Variants in LRFN5 observed in about 807,000 individuals in gnomAD.
LRFN5 encodes leucine-rich repeat and fibronectin type-III domain-containing protein 5.
In LRFN5, 24 loss-of-function variants were observed where a neutral mutation model predicts 45.6. That is an observed-to-expected ratio of 0.53 (90% CI 0.38 to 0.74). The LOEUF (loss-of-function observed/expected upper bound fraction) is 0.74, where lower values mean the gene tolerates loss of function less well. Ranked by LOEUF, LRFN5 falls within the 30% of genes least tolerant of loss-of-function variation. The pLI, the probability that LRFN5 is intolerant of heterozygous loss-of-function variation, is 0.00. For synonymous variants in LRFN5, 340 were observed against 313.8 expected (o/e 1.08, Z -0.88); for missense variants, 776 against 861.5 (o/e 0.90, Z 1.24).
At chr14:41,756,401 C>A (rs1249987284) in intron 1 of LRFN5, among the ~76,000 whole-genome samples, 2 of 152,220 alleles carry the variant, frequency 1.3e-5, no homozygotes, top group Admixed American at 6.5e-5. Context: ...TTTAGGTACA[C>A]CATTCAGACG....
intron 1 of LRFN5, among the ~76,000 whole-genome samples, chr14:41,664,444 G>A (rs1378081385): frequency 6.6e-6 from 1 of 151,700 alleles, no homozygotes; most frequent in East Asian, 1.9e-4. Flanking sequence ...ACCAGTTTGA[G>A]AATTAACTAA....
chr14:41,686,958 A>G (rs1040550275), intron 1 of LRFN5, among the ~76,000 whole-genome samples: 2 of 152,100 alleles, frequency 1.3e-5, no homozygotes, highest in African/African-American at 4.8e-5. Flanking sequence ...TTGTATCAGG[A>G]TGATACTGGT....
At chr14:41,611,925 T>G (rs1348163669) in intron 1 of LRFN5, among the ~76,000 whole-genome samples, 1 of 152,198 alleles carries the variant, frequency 6.6e-6, no homozygotes, top group African/African-American at 2.4e-5. Context: ...TTTTGTCTCC[T>G]CTGTCATTAA....
At position 41,887,725 on chromosome 14, in the gene LRFN5, C is replaced by G; in HGVS notation, c.1100C>G (p.Thr367Arg). Residue 367 changes from threonine to arginine, a missense_variant, in exon 3 of 6, where the codon ACA becomes AGA. Around this residue, in one of 2 missense-constraint regions of LRFN5, gnomAD observed 465 missense variants for 456.4 expected, o/e 1.02. Transcript: ENST00000298119. This position sits in a 1 kb window ranked among gnomAD's most constrained non-coding sequence, Gnocchi z 4.8. Reference protein sequence around the residue: ...CIASNPAGEATQIVDLHIIKL... With the variant: ...CIASNPAGEARQIVDLHIIKL... Reference sequence around the variant, plus strand: ...GCTTCCAATCCTGCTGGGGAAGCAACACAAATAGTGGATCTTCATATAATT... The same window carrying G: ...GCTTCCAATCCTGCTGGGGAAGCAAGACAAATAGTGGATCTTCATATAATT... 6.2e-7 allele frequency: 1 copy of G among 1,614,046 alleles called. No homozygotes were observed. The highest frequency in any genetic ancestry group is 8.5e-7 in the Non-Finnish European group (1 of 1,180,028).
At chr14:41,618,278 A>G (rs1887990796) in intron 1 of LRFN5, among the ~76,000 whole-genome samples, 1 of 152,178 alleles carries the variant, frequency 6.6e-6, no homozygotes, top group Non-Finnish European at 1.5e-5. Context: ...AGTGCTTCTC[A>G]TCAAGAATAG....
At chr14:41,720,942 T>C (rs780653307) in intron 1 of LRFN5, among the ~76,000 whole-genome samples, 5 of 152,040 alleles carry the variant, frequency 3.3e-5, no homozygotes, top group African/African-American at 4.8e-5. Flanking sequence ...CTTTGTTAGT[T>C]TTCAGCATCA....
intron 1 of LRFN5, among the ~76,000 whole-genome samples, chr14:41,754,171 T>G (rs1354262655): frequency 2.0e-5 from 3 of 152,170 alleles, no homozygotes; most frequent in Non-Finnish European, 4.4e-5. Context: ...TTTGCCAGTA[T>G]TTTATTGAGG....
chr14:41,722,531 T>C (rs529024527), intron 1 of LRFN5, among the ~76,000 whole-genome samples: 1 of 151,990 alleles, frequency 6.6e-6, no homozygotes. Context: ...TAATTTTTTT[T>C]CTTTTTCTTT....
At position 41,716,808 on chromosome 14, in the gene LRFN5, G is replaced by A. The variant is rs1335348275; in HGVS notation, c.-196-50046G>A. ...TTTTCAGCAGCACCCCACTCTACTG[G>A]TGCTAATACACTGTTAAATTAGCAA... On this transcript the variant is annotated intron_variant, in intron 1 of 5. Transcript: ENST00000298119. Among the ~76,000 whole-genome samples the A allele has an allele frequency of 2.0e-5, 3 of 152,084 alleles. No individual in the cohort carries two copies. In the East Asian group the frequency reaches 5.8e-4, roughly 29 times the overall value.
chr14:41,881,745 T>A (rs1487488138), intron 2 of LRFN5, among the ~76,000 whole-genome samples: 1 of 152,198 alleles, frequency 6.6e-6, no homozygotes, highest in East Asian at 1.9e-4. Flanking sequence ...TTGTCTTCAA[T>A]TACATTTATA....
At chr14:41,879,394 A>T (rs1890295999) in intron 2 of LRFN5, among the ~76,000 whole-genome samples, 1 of 151,914 alleles carries the variant, frequency 6.6e-6, no homozygotes, top group Non-Finnish European at 1.5e-5. Context: ...ATTACTAAAA[A>T]GTGGCAAGAA....
chr14:41,863,738 G>A (rs758908497), intron 2 of LRFN5, among the ~76,000 whole-genome samples: 1 of 152,110 alleles, frequency 6.6e-6, no homozygotes, highest in Non-Finnish European at 1.5e-5. Flanking sequence ...GAACGTGCAG[G>A]TTTGTTACAT....
chr14:41,719,278 T>C (rs891083390), intron 1 of LRFN5, among the ~76,000 whole-genome samples: 2 of 152,156 alleles, frequency 1.3e-5, no homozygotes, highest in African/African-American at 4.8e-5. Context: ...CCATTTAGGC[T>C]TTCCATTTTA....
rs527665190 is a variant in LRFN5 at position 41,897,089 on chromosome 14, A to AAAATAAAT, written c.2099-1790_2099-1783dup. ...CCTGGTGACAGAGTGAGACTCTGTC[A>AAAATAAAT]AAATAAATAAATAAATAAATAAATA... On this transcript the variant is annotated intron_variant, in intron 4 of 5. Coordinates refer to ENST00000298119, the MANE Select transcript of LRFN5 (RefSeq NM_152447.5). 4.2e-3 allele frequency among the ~76,000 whole-genome samples: 629 copies of AAAATAAAT among 148,540 alleles called. 1 individual carries two copies. Among genetic ancestry groups the AAAATAAAT allele is most frequent in the East Asian group, 0.012 (62 of 5,064 alleles).
intron 1 of LRFN5, among the ~76,000 whole-genome samples, chr14:41,631,615 AG>A (rs1888538001): frequency 2.0e-5 from 3 of 152,156 alleles, no homozygotes; most frequent in Non-Finnish European, 4.4e-5. Context: ...GTGGAATTTG[AG>A]AGGGAGGGCT....
chr14:41,884,563 G>A (rs139754833), intron 2 of LRFN5, among the ~76,000 whole-genome samples: 84 of 152,302 alleles, frequency 5.5e-4, no homozygotes, highest in Non-Finnish European at 1.1e-3. Context: ...GAGTCCAGTG[G>A]TCGCAGGCTG....
At chr14:41,665,404 C>T (rs1880850486) in intron 1 of LRFN5, among the ~76,000 whole-genome samples, 1 of 152,000 alleles carries the variant, frequency 6.6e-6, no homozygotes, top group Admixed American at 6.6e-5. Flanking sequence ...TAACTAGGTG[C>T]ACTTTAGAAA....
At chr14:41,892,824 G>T in intron 4 of LRFN5, 3 of 985,196 alleles carry the variant, frequency 3.0e-6, no homozygotes, top group Non-Finnish European at 3.6e-6. Context: ...TCAGTCACAG[G>T]CTACAAATTC....
chr14:41,718,899 T>A (rs571002917), intron 1 of LRFN5, among the ~76,000 whole-genome samples: 89 of 152,278 alleles, frequency 5.8e-4, no homozygotes, highest in Non-Finnish European at 1.0e-3. Flanking sequence ...GAAAGAGGCA[T>A]TTGCCACCTC....
Sources: allele counts gnomAD v4.1 joint callset (sites outside exome capture counted in the v4.1 genomes callset), GRCh38; gene constraint gnomAD v4.1.1; regional missense constraint gnomAD v4.1.1; non-coding constraint Gnocchi (gnomAD v3.1); transcripts MANE v1.5; gene names NCBI Gene and HGNC (gene_info 2026-07-23, HGNC 2026-07-21).